Variants in ANKFN1 observed in about 807,000 individuals in gnomAD.
ANKFN1 encodes ankyrin repeat and fibronectin type III domain containing 1.
ANKFN1 carries 74 observed loss-of-function variants against 108.7 expected under a neutral mutation model. That is an observed-to-expected ratio of 0.68 (90% confidence interval 0.56 to 0.83). ANKFN1 has a LOEUF of 0.83. Ranked by LOEUF, ANKFN1 falls within the 40% of genes least tolerant of loss-of-function variation. The pLI, the probability that ANKFN1 is intolerant of heterozygous loss-of-function variation, is 0.00. For synonymous variants in ANKFN1, 547 were observed against 516.2 expected, an observed-to-expected ratio of 1.06 and a Z score of -0.81; for missense variants, 1,505 against 1,382.3, an observed-to-expected ratio of 1.09 and a Z score of -1.41.
chr17:56,457,080 C>T (rs563661487), intron 12 of ANKFN1, 120 bp downstream of exon 12: 3 of 1,198,114 alleles, frequency 2.5e-6, no homozygotes, highest in African/African-American at 1.5e-5. Context: ...TCACTTTTCT[C>T]CTGAGAATTT....
At chr17:56,056,460 T>C (rs1904879587) in intron 4 of ANKFN1, among the ~76,000 whole-genome samples, 1 of 150,770 alleles carries the variant, frequency 6.6e-6, no homozygotes, top group Non-Finnish European at 1.5e-5. Context: ...AACATGGTTC[T>C]GATATAAAAA....
intron 18 of ANKFN1, among the ~76,000 whole-genome samples, chr17:56,487,536 A>C (rs1157283781): frequency 1.3e-5 from 2 of 152,042 alleles, no homozygotes; most frequent in African/African-American, 2.4e-5. Flanking sequence ...AAAAAAAAAA[A>C]CTAGGGAATT....
chr17:56,480,828 T>G lies in ANKFN1; in HGVS notation c.2091+10T>G, dbSNP rs1453266138. The G allele has an allele frequency of 1.9e-6, 3 of 1,610,456 alleles. No individual in the cohort carries two copies. In the South Asian group the frequency reaches 3.3e-5, roughly 18 times the overall value. On this transcript the variant is annotated intron_variant, in intron 17 of 20. Transcript: ENST00000682825. ...TATACCTCTACACCAGGTACTAGAC[T>G]TTACCATTTTTATCTTCTTTTTTTA... is the stretch of plus-strand genomic sequence containing the variant.
chr17:56,113,569 CCTT>C (rs1423044921), intron 4 of ANKFN1, among the ~76,000 whole-genome samples: 1 of 152,134 alleles, frequency 6.6e-6, no homozygotes, highest in Non-Finnish European at 1.5e-5. Context: ...AAGTTACACA[CCTT>C]CTGTGTATCT....
intron 17 of ANKFN1, 70 bp downstream of exon 17, chr17:56,480,888 G>GGTGGGTGTGT (rs2050672986): frequency 1.5e-6 from 2 of 1,320,362 alleles, no homozygotes; most frequent in Admixed American, 2.0e-5. Context: ...CATTAAGTGG[G>GGTGGGTGTGT]GTGTGTGTGT....
intron 16 of ANKFN1, among the ~76,000 whole-genome samples, chr17:56,479,798 C>G (rs1401361585): frequency 6.6e-6 from 1 of 152,190 alleles, no homozygotes; most frequent in Non-Finnish European, 1.5e-5. Context: ...CTTTCCTTTC[C>G]TCTCTAGCCT....
intron 4 of ANKFN1, among the ~76,000 whole-genome samples, chr17:56,080,933 C>T (rs1905238440): frequency 6.6e-6 from 1 of 152,180 alleles, no homozygotes; most frequent in Middle Eastern, 3.2e-3. Flanking sequence ...AATCCCTCCC[C>T]AGAAACTGCC....
At chr17:56,293,145 A>G (rs545951043) in intron 3 of ANKFN1, among the ~76,000 whole-genome samples, 20 of 152,204 alleles carry the variant, frequency 1.3e-4, no homozygotes, top group Admixed American at 3.3e-4. Flanking sequence ...AAAGTCCATA[A>G]CATTAAAAAT....
At chr17:56,415,829 A>G (rs879534851) in intron 8 of ANKFN1, among the ~76,000 whole-genome samples, 1 of 152,170 alleles carries the variant, frequency 6.6e-6, no homozygotes, top group Non-Finnish European at 1.5e-5. Context: ...CAGAGCTATA[A>G]TAATCAAAAC....
intron 3 of ANKFN1, among the ~76,000 whole-genome samples, chr17:56,266,596 T>A (rs2043658774): frequency 6.6e-6 from 1 of 152,194 alleles, no homozygotes; most frequent in Non-Finnish European, 1.5e-5. Flanking sequence ...CTACATGACC[T>A]TAGTTTGCCA....
At chr17:56,129,415 T>C (rs968163436) in intron 4 of ANKFN1, among the ~76,000 whole-genome samples, 2 of 152,084 alleles carry the variant, frequency 1.3e-5, no homozygotes, top group African/African-American at 4.8e-5. Flanking sequence ...TCTTATTCAA[T>C]GTTGTGATCT....
In ANKFN1 at chr17:56,094,684, T is replaced by G. The variant is rs889483712; in HGVS notation, c.288+48359T>G. On this transcript the variant is annotated intron_variant, in intron 4 of 12. Coordinates refer to the ANKFN1 transcript ENST00000635860. The stretch of plus-strand genomic sequence containing the variant: ...ACGCCCAGCTAATTGGGTTTTTTTT[T>G]TTTTTTTTTGTATTTTTAGTAGAGA... Among the ~76,000 whole-genome samples the G allele has an allele frequency of 7.4e-5, 11 of 148,394 alleles. No homozygotes were observed. In the East Asian group the frequency reaches 9.8e-4, roughly 13 times the overall value.
Position 56,382,331 on chromosome 17 carries a change from A to G in ANKFN1, c.910+7617A>G, listed in dbSNP as rs539778175. Among the ~76,000 whole-genome samples, 499 of 152,322 alleles carry G rather than the reference A, an allele frequency of 3.3e-3. 1 individual carries two copies. Among genetic ancestry groups the G allele is most frequent in the Middle Eastern group, 0.014 (4 of 294 alleles). Reference sequence around the variant, plus strand: ...CCCTAAAAGAGCTCCTGAAGGAAGCACTAAACATGGAAAGGAACAACCGGT... The same window carrying G: ...CCCTAAAAGAGCTCCTGAAGGAAGCGCTAAACATGGAAAGGAACAACCGGT... On this transcript the variant is annotated intron_variant, in intron 8 of 20. Transcript: ENST00000682825.
In ANKFN1 at chr17:56,511,260, C is replaced by T. The variant is rs1311602873; in HGVS notation, c.3432C>T (p.Ser1144=). 1 of 1,524,664 alleles carries T rather than the reference C, an allele frequency of 6.6e-7. No homozygotes were observed. The highest frequency in any genetic ancestry group is 8.8e-7 in the Non-Finnish European group (1 of 1,139,916). The allele number at this position is 1,524,664 out of a possible 1,614,324, so 94.4% of individuals were successfully genotyped here. The part of the protein sequence containing the change: ...TASPMSEILS[S]ML ...CTCCCATGTCAGAAATACTCAGCAG[C>T]ATGCTTTAGGGAGGCCCATCCCGGC... The change falls in exon 21 of 21, where the codon AGC becomes AGT. Residue 1144 remains serine, a synonymous_variant. Transcript: ENST00000682825.
chr17:56,136,181 T>G (rs1907590739), intron 4 of ANKFN1, among the ~76,000 whole-genome samples: 1 of 152,136 alleles, frequency 6.6e-6, no homozygotes, highest in Admixed American at 6.5e-5. Context: ...TGTGGCAATA[T>G]AACAGATAAG....
intron 1 of ANKFN1, among the ~76,000 whole-genome samples, chr17:56,161,195 C>T (rs1445055377): frequency 6.6e-6 from 1 of 152,178 alleles, no homozygotes; most frequent in Non-Finnish European, 1.5e-5. Flanking sequence ...TGAGATTATG[C>T]ATTAAATTGC....
intron 6 of ANKFN1, among the ~76,000 whole-genome samples, chr17:56,362,520 A>T (rs999814626): frequency 6.6e-6 from 1 of 152,250 alleles, no homozygotes; most frequent in Admixed American, 6.5e-5. Context: ...TCTTCAATAT[A>T]CGGTGTTGGG....
chr17:56,471,475 C>T (rs976550327), intron 15 of ANKFN1: 1 of 152,138 alleles, frequency 6.6e-6, no homozygotes, highest in African/African-American at 2.4e-5. Flanking sequence ...CTTTCTACCC[C>T]CAAGCAGCTC....
At chr17:56,050,218 C>T (rs1335550506) in intron 4 of ANKFN1, among the ~76,000 whole-genome samples, 74 of 149,636 alleles carry the variant, frequency 4.9e-4, no homozygotes, top group East Asian at 4.0e-3. Flanking sequence ...TCATGTCCTT[C>T]GCCCACTTTT....
Sources: gnomAD v4.1 joint callset for allele counts (sites outside exome capture counted in the v4.1 genomes callset) on GRCh38, gnomAD v4.1.1 for gene constraint, MANE v1.5 for transcripts, NCBI Gene and HGNC (gene_info 2026-07-23, HGNC 2026-07-21) for gene names.